The following IL31RA variants were observed in gnomAD, a reference collection of about 807,000 sequenced individuals.
IL31RA encodes interleukin-31 receptor subunit alpha.
A neutral mutation model predicts 83.7 loss-of-function variants in IL31RA; 66 were observed. The ratio of observed to expected loss-of-function variants is 0.79; its 90% confidence interval spans 0.65 to 0.97. IL31RA has a LOEUF of 0.97. Among genes scored for constraint, IL31RA ranks in the 50% least tolerant of loss-of-function variants. The pLI is 0.00. For synonymous variants in IL31RA, 325 were observed against 329.0 expected (o/e 0.99, Z 0.13); for missense variants, 798 against 919.4 (o/e 0.87, Z 1.71).
At chr5:55,839,852 A>G in the IL31RA span, 88 of 753,002 alleles carry the variant, frequency 1.2e-4, no homozygotes, top group Admixed American at 2.2e-4. Flanking sequence ...TTCAAGTTCA[A>G]CAAAAGCCTT....
At chr5:55,901,017 A>G (rs965078323) in intron 8 of IL31RA, among the ~76,000 whole-genome samples, 2 of 152,104 alleles carry the variant, frequency 1.3e-5, no homozygotes, top group African/African-American at 4.8e-5. Context: ...ACCTTTCTCT[A>G]TTTGCTTACA....
At chr5:55,859,197 C>T (rs1745522614) in intron 1 of IL31RA, among the ~76,000 whole-genome samples, 1 of 152,178 alleles carries the variant, frequency 6.6e-6, no homozygotes. Flanking sequence ...AGGCAAGGGC[C>T]AGAGGATGGC....
At chr5:55,839,977 C>G in the IL31RA span, 3 of 606,824 alleles carry the variant, frequency 4.9e-6, no homozygotes, top group East Asian at 9.0e-5. Context: ...CAGGGCAAGC[C>G]GTGGACCTTC....
chr5:55,885,595 C>T (rs140369141), intron 5 of IL31RA, among the ~76,000 whole-genome samples: 1 of 151,326 alleles, frequency 6.6e-6, no homozygotes, highest in Non-Finnish European at 1.5e-5. Context: ...CATGCGCGGA[C>T]AAGACCCTGG....
chr5:55,846,608 C>T (rs537004478), upstream of IL31RA, among the ~76,000 whole-genome samples: 19 of 152,164 alleles, frequency 1.2e-4, no homozygotes, highest in Admixed American at 1.1e-3. Flanking sequence ...ACCAGCCTGG[C>T]CAACATGGTG....
At position 55,917,035 on chromosome 5, in the gene IL31RA, C is replaced by T; in HGVS notation, c.2210C>T (p.Pro737Leu). 2 of 1,614,172 alleles carry T rather than the reference C, an allele frequency of 1.2e-6. No homozygotes were observed. Among genetic ancestry groups the T allele is most frequent in the Non-Finnish European group, 1.7e-6 (2 of 1,180,034 alleles). ...VPDHLCEEGAPNPYLKNSVTA... is the reference protein window; with the variant it reads ...VPDHLCEEGALNPYLKNSVTA... ...GATCATCTGTGTGAGGAAGGAGCCC[C>T]AAATCCATATTTGAAAAATTCAGTG... Residue 737 changes from proline to leucine, a missense_variant, in exon 15 of 15, where the codon CCA (proline) becomes CTA (leucine). Physicochemically the swap from Pro to Leu is moderately conservative, Grantham distance 98 (BLOSUM62 -3). Transcript: ENST00000652347.
intron 2 of IL31RA, among the ~76,000 whole-genome samples, chr5:55,861,516 A>T (rs1745685341): frequency 6.6e-6 from 1 of 152,166 alleles, no homozygotes; most frequent in Non-Finnish European, 1.5e-5. Context: ...ATCTGAGGTG[A>T]AACAGTTTCA....
chr5:55,868,659 TAC>T, intron 2 of IL31RA, 130 bp from the exon 3 acceptor site: 2 of 752,786 alleles, frequency 2.7e-6, no homozygotes, highest in East Asian at 4.9e-5. Context: ...ATTGCTAGGT[TAC>T]ACCTAGCAAC....
intron 14 of IL31RA, 22 bp from the exon 15 acceptor site, chr5:55,916,622 G>C: frequency 6.2e-7 from 1 of 1,605,568 alleles, no homozygotes. Context: ...GACCACTTGG[G>C]ATGTCCCTTT....
chr5:55,893,028 G>A (rs996951646), intron 6 of IL31RA, among the ~76,000 whole-genome samples: 2 of 152,076 alleles, frequency 1.3e-5, no homozygotes, highest in African/African-American at 2.4e-5. Context: ...TGTTTAATGC[G>A]TACCACTTCA....
chr5:55,863,676 C>G (rs190372318), intron 2 of IL31RA, among the ~76,000 whole-genome samples: 1 of 152,216 alleles, frequency 6.6e-6, no homozygotes, highest in Non-Finnish European at 1.5e-5. Flanking sequence ...CTATTGTTCT[C>G]TCTTACCATG....
chr5:55,868,112 G>A (rs921378421), intron 2 of IL31RA, among the ~76,000 whole-genome samples: 1 of 152,150 alleles, frequency 6.6e-6, no homozygotes, highest in African/African-American at 2.4e-5. Context: ...TATGATGGAA[G>A]GAAATCCTAA....
chr5:55,898,681 G>A (rs574435209), intron 7 of IL31RA, among the ~76,000 whole-genome samples: 8 of 148,868 alleles, frequency 5.4e-5, no homozygotes, highest in Admixed American at 5.3e-4. Flanking sequence ...TTTTTAAAAA[G>A]ATTTTAAATA....
intron 8 of IL31RA, among the ~76,000 whole-genome samples, chr5:55,905,694 G>A (rs576753481): frequency 2.0e-4 from 30 of 152,266 alleles, no homozygotes; most frequent in Admixed American, 3.3e-4. Flanking sequence ...CATCTCCCTG[G>A]TATGATTTTA....
Position 55,916,939 on chromosome 5 carries a change from C to G in IL31RA, c.2114C>G (p.Ser705Trp), listed in dbSNP as rs763337032. 5.4e-5 allele frequency: 87 copies of G among 1,613,724 alleles called. No individual in the cohort carries two copies. The Middle Eastern group carries it at 8.2e-4, about 15-fold the overall frequency. Residue 705 changes from serine (S) to tryptophan (W), a missense_variant, in exon 15 of 15, where the codon TCG becomes TGG. Physicochemically the swap from Ser to Trp is radical, Grantham distance 177. Transcript: ENST00000652347. ...IPPRKSQYLR[S>W]RMPEGTRPEA... Reference sequence around the variant, plus strand: ...CCCAGAAAATCCCAATACCTACGTTCGAGGATGCCAGAGGGGACCCGCCCA... The same window carrying G: ...CCCAGAAAATCCCAATACCTACGTTGGAGGATGCCAGAGGGGACCCGCCCA...
chr5:55,852,666 G>T (rs200532608), intron 1 of IL31RA, among the ~76,000 whole-genome samples: 1 of 152,032 alleles, frequency 6.6e-6, no homozygotes, highest in Non-Finnish European at 1.5e-5. Flanking sequence ...TCTCTTCCCC[G>T]GTCTATTTAT....
Position 55,916,944 on chromosome 5 carries a change from A to T in IL31RA, c.2119A>T (p.Met707Leu). ...AAAATCCCAATACCTACGTTCGAGG[A>T]TGCCAGAGGGGACCCGCCCAGAAGC... ...PRKSQYLRSR[M>L]PEGTRPEAKE... The change falls in exon 15 of 15, where the codon ATG (methionine) becomes TTG (leucine). Residue 707 changes from methionine to leucine, a missense_variant. Physicochemically the swap from Met to Leu is conservative, Grantham distance 15. Transcript: ENST00000652347. 1 of 1,613,750 alleles carries T rather than the reference A, an allele frequency of 6.2e-7. No homozygotes were observed. The highest frequency in any genetic ancestry group is 8.5e-7 in the Non-Finnish European group (1 of 1,179,780).
intron 7 of IL31RA, 23 bp from the exon 8 acceptor site, chr5:55,899,893 A>G (rs748115499): frequency 2.5e-6 from 4 of 1,571,728 alleles, no homozygotes; most frequent in Non-Finnish European, 2.6e-6. Flanking sequence ...ATTGGCAATA[A>G]ATTTTGTTTT....
chr5:55,899,302 G>A (rs1748660728), intron 7 of IL31RA, among the ~76,000 whole-genome samples: 1 of 152,188 alleles, frequency 6.6e-6, no homozygotes, highest in Admixed American at 6.5e-5. Flanking sequence ...GCAAATGTCT[G>A]GTGAGTGGGC....
Sources: allele counts gnomAD v4.1 joint callset (sites outside exome capture counted in the v4.1 genomes callset), GRCh38; gene constraint gnomAD v4.1.1; transcripts MANE v1.5; gene names NCBI Gene and HGNC (gene_info 2026-07-23, HGNC 2026-07-21).